The following PTPRD variants were observed in gnomAD, a reference collection of about 807,000 sequenced individuals.
The protein encoded by PTPRD is protein tyrosine phosphatase receptor type D, also known as receptor-type tyrosine-protein phosphatase delta.
PTPRD carries 34 observed loss-of-function variants against 214.5 expected under a neutral mutation model. The ratio of observed to expected loss-of-function variants is 0.16; its 90% CI spans 0.12 to 0.21. The LOEUF is 0.21. Among genes scored for constraint, PTPRD ranks in the 10% least tolerant of loss-of-function variants. The pLI is 1.00. For missense variants in PTPRD, 2,545 were observed against 2,398.7 expected, an observed-to-expected ratio of 1.06 and a Z score of -1.27; for synonymous variants, 1,128 against 845.7, an observed-to-expected ratio of 1.33 and a Z score of -5.79.
chr9:8,435,857 G>A (rs2095325336), intron 35 of PTPRD, among the ~76,000 whole-genome samples: 1 of 152,070 alleles, frequency 6.6e-6, no homozygotes, highest in Admixed American at 6.6e-5. Flanking sequence ...GCAACTCTCT[G>A]AAAATACATT....
At chr9:10,551,800 C>G (rs377661251) in intron 2 of PTPRD, among the ~76,000 whole-genome samples, 3 of 152,198 alleles carry the variant, frequency 2.0e-5, no homozygotes, top group African/African-American at 7.2e-5. Flanking sequence ...AGGATCCAAG[C>G]TGAGAAAGTA....
chr9:10,038,460 C>A (rs1023043499), intron 3 of PTPRD, among the ~76,000 whole-genome samples: 1 of 152,048 alleles, frequency 6.6e-6, no homozygotes, highest in Non-Finnish European at 1.5e-5. Flanking sequence ...TCTCAGTGAA[C>A]AATAACAATA....
chr9:8,495,571 T>TAAAAAAAG, intron 26 of PTPRD, among the ~76,000 whole-genome samples: 1 of 152,188 alleles, frequency 6.6e-6, no homozygotes, highest in Non-Finnish European at 1.5e-5. Flanking sequence ...GACCAGAATT[T>TAAAAAAAG]AAACAAAGAA....
chr9:10,492,435 G>A (rs2040619073), intron 2 of PTPRD, among the ~76,000 whole-genome samples: 1 of 152,020 alleles, frequency 6.6e-6, no homozygotes, highest in African/African-American at 2.4e-5. Flanking sequence ...TCTCATTGTG[G>A]TTTTGATTTG....
At chr9:9,431,431 T>A (rs550161259) in intron 8 of PTPRD, among the ~76,000 whole-genome samples, 146 of 152,124 alleles carry the variant, frequency 9.6e-4, no homozygotes, top group African/African-American at 3.3e-3. Flanking sequence ...TGTGGAGAAA[T>A]AGGAATGCTT....
intron 8 of PTPRD, among the ~76,000 whole-genome samples, chr9:9,403,018 G>A (rs1248533708): frequency 6.8e-6 from 1 of 147,578 alleles, no homozygotes; most frequent in Non-Finnish European, 1.5e-5. Flanking sequence ...TGCCAGGCGC[G>A]GTGTCTCCTG....
chr9:8,475,405 C>A (rs1207406891), intron 30 of PTPRD, among the ~76,000 whole-genome samples: 1 of 152,114 alleles, frequency 6.6e-6, no homozygotes, highest in Non-Finnish European at 1.5e-5. Flanking sequence ...CATCTGCGGC[C>A]CAGCTACAAT....
At chr9:10,331,838 C>A (rs1454925179) in intron 3 of PTPRD, among the ~76,000 whole-genome samples, 1 of 151,764 alleles carries the variant, frequency 6.6e-6, no homozygotes, top group African/African-American at 2.4e-5. Context: ...TTTCAGTTGG[C>A]ATTTTTGTAT....
At chr9:9,568,763 T>G (rs539622229) in intron 8 of PTPRD, among the ~76,000 whole-genome samples, 52 of 151,834 alleles carry the variant, frequency 3.4e-4, no homozygotes, top group Non-Finnish European at 7.1e-4. Flanking sequence ...AAAGTTTTGA[T>G]GGGGTGATAA....
chr9:8,523,365 A>G (rs2139064878), intron 19 of PTPRD, 148 bp downstream of exon 19: 1 of 903,070 alleles, frequency 1.1e-6, no homozygotes, highest in South Asian at 1.7e-5. Context: ...AGCAAGCACC[A>G]GAAGCCATGG....
chr9:9,407,848 G>T (rs1026693348), intron 8 of PTPRD, among the ~76,000 whole-genome samples: 1 of 151,714 alleles, frequency 6.6e-6, no homozygotes, highest in African/African-American at 2.4e-5. Flanking sequence ...TATGATAAAA[G>T]AACTTTGTTT....
At chr9:9,546,017 C>A (rs2078714118) in intron 8 of PTPRD, among the ~76,000 whole-genome samples, 1 of 151,706 alleles carries the variant, frequency 6.6e-6, no homozygotes, top group Non-Finnish European at 1.5e-5. Flanking sequence ...GTTAGACTTA[C>A]ACCTAAGTAC....
chr9:10,446,231 A>G (rs1433226966), intron 2 of PTPRD, among the ~76,000 whole-genome samples: 1 of 152,028 alleles, frequency 6.6e-6, no homozygotes, highest in Non-Finnish European at 1.5e-5. Flanking sequence ...GCTTTGACTT[A>G]ATAATATGTT....
At chr9:9,232,134 T>C (rs2099963512) in intron 9 of PTPRD, among the ~76,000 whole-genome samples, 1 of 152,206 alleles carries the variant, frequency 6.6e-6, no homozygotes, top group African/African-American at 2.4e-5. Context: ...GTTGAGATCC[T>C]TTAGTATGCT....
At chr9:10,218,977 G>A (rs1232122124) in intron 3 of PTPRD, among the ~76,000 whole-genome samples, 1 of 151,698 alleles carries the variant, frequency 6.6e-6, no homozygotes, top group East Asian at 1.9e-4. Context: ...AGAAAAAATT[G>A]TTACTGCATT....
chr9:8,856,981 T>C (rs775730695), intron 11 of PTPRD, among the ~76,000 whole-genome samples: 7 of 152,216 alleles, frequency 4.6e-5, no homozygotes, highest in Admixed American at 6.5e-5. Flanking sequence ...TTTTAAATTG[T>C]TTCTTACAAC....
chr9:8,544,371 C>T (rs753686025), intron 14 of PTPRD, among the ~76,000 whole-genome samples: 78 of 150,978 alleles, frequency 5.2e-4, no homozygotes, highest in Non-Finnish European at 9.0e-4. Context: ...CATGAGCCAA[C>T]GCACCCGGTC....
At chr9:8,439,656 G>A (rs536219247) in intron 34 of PTPRD, among the ~76,000 whole-genome samples, 1 of 152,054 alleles carries the variant, frequency 6.6e-6, no homozygotes, top group African/African-American at 2.4e-5. Flanking sequence ...AAACTGTTTA[G>A]CTCATATCAG....
intron 3 of PTPRD, among the ~76,000 whole-genome samples, chr9:10,076,183 C>T (rs779767643): frequency 2.0e-5 from 3 of 151,968 alleles, no homozygotes; most frequent in Non-Finnish European, 4.4e-5. Context: ...TGAGGGTCTA[C>T]GTCTTGCACT....
Sources: gnomAD v4.1 joint callset for allele counts (sites outside exome capture counted in the v4.1 genomes callset) on GRCh38, gnomAD v4.1.1 for gene constraint, MANE v1.5 for transcripts, NCBI Gene and HGNC (gene_info 2026-07-23, HGNC 2026-07-21) for gene names.